Variants in SCYL2 observed in about 807,000 individuals in gnomAD.
The protein encoded by SCYL2 is SCY1 like pseudokinase 2.
A neutral mutation model predicts 100.4 loss-of-function variants in SCYL2; 36 were observed. The observed-to-expected ratio is 0.36, with a 90% CI of 0.27 to 0.47. The LOEUF (loss-of-function observed/expected upper bound fraction) is 0.47, where lower values mean the gene tolerates loss of function less well. SCYL2 is among the 20% of genes least tolerant of loss of function. The pLI is 1.00. For missense variants in SCYL2, 902 were observed against 1,083.9 expected (o/e 0.83, Z 2.36); for synonymous variants, 330 against 359.2 (o/e 0.92, Z 0.92).
In SCYL2 at chr12:100,311,810, C is replaced by T. The variant is rs528755787; in HGVS notation, c.630+617C>T. Among the ~76,000 whole-genome samples, 4 of 152,232 alleles carry T rather than the reference C, an allele frequency of 2.6e-5. No homozygotes were observed. The East Asian group carries it at 7.7e-4, about 29-fold the overall frequency. On this transcript the variant is annotated intron_variant, in intron 5 of 17. Transcript: ENST00000360820. ...AAACACTGTATTAAATCAATTCTGCCTTGTATTGATTGGGTCTGCATGGCA... is the reference window on the plus strand; with the variant it reads ...AAACACTGTATTAAATCAATTCTGCTTTGTATTGATTGGGTCTGCATGGCA...
rs1474520740 is a variant in SCYL2, at chr12:100,337,463, C to G, written c.2102C>G (p.Pro701Arg). 1.9e-6 allele frequency: 3 copies of G among 1,612,630 alleles called. No homozygotes were observed. The highest frequency in any genetic ancestry group is 2.5e-6 in the Non-Finnish European group (3 of 1,179,494). ...GCACAGAAGCTGAAAAGCCAGCAGC[C>G]TCTTAAACCCCAAGTGCACACACCT... is the stretch of plus-strand genomic sequence containing the variant. ...EQAQKLKSQQ[P>R]LKPQVHTPVA... The change falls in exon 17 of 18, where the codon CCT becomes CGT. Residue 701 changes from proline (P) to arginine (R), a missense_variant. Physicochemically the swap from Pro to Arg is moderately radical, Grantham distance 103. Transcript: ENST00000360820.
At chr12:100,294,288 G>A (rs1592940015) in intron 3 of SCYL2, among the ~76,000 whole-genome samples, 1 of 136,772 alleles carries the variant, frequency 7.3e-6, no homozygotes, top group African/African-American at 2.7e-5. Flanking sequence ...GGACGGGGCG[G>A]CTGGCCGGGC....
intron 4 of SCYL2, among the ~76,000 whole-genome samples, chr12:100,303,829 A>G (rs1267243646): frequency 6.6e-6 from 1 of 151,990 alleles, no homozygotes; most frequent in African/African-American, 2.4e-5. Flanking sequence ...AGTAGGGAGG[A>G]ATGTTTAAGT....
At chr12:100,286,208 C>G (rs1257749385) in intron 2 of SCYL2, among the ~76,000 whole-genome samples, 2 of 151,960 alleles carry the variant, frequency 1.3e-5, no homozygotes, top group African/African-American at 4.8e-5. Flanking sequence ...TGTCAAATAT[C>G]AAGCTAAGGG....
chr12:100,295,075 G>A (rs1368353276), intron 3 of SCYL2, among the ~76,000 whole-genome samples: 4 of 151,004 alleles, frequency 2.6e-5, no homozygotes, highest in African/African-American at 9.7e-5. Context: ...GCGGGGCAGA[G>A]GCGCTCCCCA....
chr12:100,275,349 G>T (rs529965563), intron 1 of SCYL2, among the ~76,000 whole-genome samples: 23 of 152,084 alleles, frequency 1.5e-4, no homozygotes, highest in African/African-American at 5.5e-4. Context: ...CTGCAGACAT[G>T]TGCTACTGCT....
chr12:100,323,407 A>G (rs1417368682), intron 10 of SCYL2, 118 bp from the exon 11 acceptor site: 19 of 645,362 alleles, frequency 2.9e-5, no homozygotes, highest in South Asian at 2.2e-4. Flanking sequence ...CAAATAATAT[A>G]TATGAAAATT....
chr12:100,288,362 G>A (rs2096306701), intron 2 of SCYL2, among the ~76,000 whole-genome samples: 1 of 150,960 alleles, frequency 6.6e-6, no homozygotes, highest in African/African-American at 2.4e-5. Context: ...TGCCCAGGTT[G>A]GTCTCAAGCC....
At chr12:100,277,166 T>C (rs2096293427) in intron 1 of SCYL2, among the ~76,000 whole-genome samples, 1 of 152,224 alleles carries the variant, frequency 6.6e-6, no homozygotes, top group Admixed American at 6.5e-5. Flanking sequence ...CAACATATAG[T>C]TCATTTTAGT....
intron 4 of SCYL2, among the ~76,000 whole-genome samples, chr12:100,307,148 A>C (rs545816354): frequency 6.6e-6 from 1 of 152,372 alleles, no homozygotes; most frequent in African/African-American, 2.4e-5. Flanking sequence ...AAAGTACTTT[A>C]AATTTCATAT....
chr12:100,312,228 C>T (rs2096343039), intron 5 of SCYL2, among the ~76,000 whole-genome samples: 1 of 152,144 alleles, frequency 6.6e-6, no homozygotes, highest in Admixed American at 6.5e-5. Context: ...GAAGAGACTC[C>T]AGTAATCTCA....
At chr12:100,295,654 G>C (rs1007803484) in intron 3 of SCYL2, among the ~76,000 whole-genome samples, 1 of 152,192 alleles carries the variant, frequency 6.6e-6, no homozygotes, top group Non-Finnish European at 1.5e-5. Flanking sequence ...CAGCAGTACA[G>C]TCCAGCTCCG....
At chr12:100,332,241 A>G (rs1401298099) in intron 13 of SCYL2, among the ~76,000 whole-genome samples, 2 of 152,204 alleles carry the variant, frequency 1.3e-5, no homozygotes, top group African/African-American at 4.8e-5. Flanking sequence ...ATGAGGTCTG[A>G]TCAAGTAACA....
intron 4 of SCYL2, among the ~76,000 whole-genome samples, chr12:100,308,522 G>A (rs1326808635): frequency 1.3e-5 from 2 of 152,146 alleles, no homozygotes; most frequent in Admixed American, 6.6e-5. Flanking sequence ...AGCATTAGGA[G>A]AAATACCTAA....
intron 1 of SCYL2, among the ~76,000 whole-genome samples, chr12:100,281,114 C>T (rs1317111623): frequency 6.7e-6 from 1 of 148,882 alleles, no homozygotes; most frequent in African/African-American, 2.5e-5. Flanking sequence ...CTGCAGCCTC[C>T]CTCTCCCGGG....
chr12:100,326,589 T>C (rs763530245), intron 11 of SCYL2, 33 bp from the exon 12 acceptor site: 5 of 1,507,162 alleles, frequency 3.3e-6, no homozygotes, highest in Non-Finnish European at 4.4e-6. Context: ...TTGAAAACTT[T>C]TAATGACTAA....
At chr12:100,274,722 C>A (rs905233186) in intron 1 of SCYL2, among the ~76,000 whole-genome samples, 1 of 152,082 alleles carries the variant, frequency 6.6e-6, no homozygotes, top group Non-Finnish European at 1.5e-5. Flanking sequence ...AAATTGTGAA[C>A]AAAGAAGTGG....
In SCYL2 at chr12:100,323,491, T is replaced by G. The variant is rs201245643; in HGVS notation, c.1396-34T>G. ...ATATCAGAGAGAAAAGATGAGTCTT[T>G]CCCTAATATTGATTCAGTTTATTTT... On this transcript the variant is annotated intron_variant, in intron 10 of 17. Coordinates refer to ENST00000360820, the MANE Select transcript of SCYL2 (RefSeq NM_017988.6). 11 of 1,221,248 alleles carry G rather than the reference T, an allele frequency of 9.0e-6. No individual in the cohort carries two copies. The East Asian group carries it at 2.3e-4, about 26-fold the overall frequency. The allele number at this position is 1,221,248 out of a possible 1,614,324, so 75.7% of individuals were successfully genotyped here.
intron 3 of SCYL2, among the ~76,000 whole-genome samples, chr12:100,293,120 C>A (rs372146799): frequency 6.6e-6 from 1 of 151,956 alleles, no homozygotes; most frequent in East Asian, 1.9e-4. Context: ...CTGGCCTCTT[C>A]TTTTTCTTTT....
Sources: allele counts gnomAD v4.1 joint callset (sites outside exome capture counted in the v4.1 genomes callset), GRCh38; gene constraint gnomAD v4.1.1; transcripts MANE v1.5; gene names NCBI Gene and HGNC (gene_info 2026-07-23, HGNC 2026-07-21).